Variants in FSAF1 observed in about 807,000 individuals in gnomAD.
FSAF1 encodes the protein 40S small subunit processome assembly factor 1.
chr1:231,238,748 G>T, the FSAF1 span: 1 of 1,102,486 alleles, frequency 9.1e-7, no homozygotes, highest in Non-Finnish European at 1.3e-6. Context: ...TGGCAAATCT[G>T]CAGGCCTGAG....
chr1:231,240,379 G>A, the FSAF1 span, among the ~76,000 whole-genome samples: 1 of 152,318 alleles, frequency 6.6e-6, no homozygotes, highest in Admixed American at 6.5e-5. The surrounding 1 kb of genome is among the most constrained non-coding windows in gnomAD (Gnocchi z 4.1). Flanking sequence ...TTTCTTTGGT[G>A]CATGTGCAAA....
At chr1:231,227,719 G>T in the FSAF1 span, among the ~76,000 whole-genome samples, 225 of 151,254 alleles carry the variant, frequency 1.5e-3, no homozygotes, top group Middle Eastern at 0.014. Flanking sequence ...CTCCCGAGTA[G>T]CTGGGACTAC....
chr1:231,238,705 T>C, the FSAF1 span: 2 of 662,052 alleles, frequency 3.0e-6, no homozygotes, highest in Admixed American at 2.9e-5. Flanking sequence ...TGATAAGGGC[T>C]ATATGCTGAG....
chr1:231,224,424 A>G, the FSAF1 span: 2 of 1,599,940 alleles, frequency 1.3e-6, no homozygotes, highest in African/African-American at 2.7e-5. Flanking sequence ...CCTACATTTA[A>G]AGTAAGAGAA....
At chr1:231,224,998 A>G in the FSAF1 span, 1 of 169,196 alleles carries the variant, frequency 5.9e-6, no homozygotes, top group African/African-American at 2.4e-5. Flanking sequence ...GCCCAAGAAA[A>G]CAGGCTAAGA....
the FSAF1 span, chr1:231,238,195 A>T: frequency 6.6e-6 from 1 of 152,250 alleles, no homozygotes; most frequent in African/African-American, 2.4e-5. Context: ...AAAAAAAAAA[A>T]TTAAAAACAT....
chr1:231,229,245 C>G, the FSAF1 span: 1 of 1,385,060 alleles, frequency 7.2e-7, no homozygotes, highest in Non-Finnish European at 1.0e-6. Flanking sequence ...TCATCTGTTA[C>G]TATATCATTA....
At chr1:231,234,799 C>A in the FSAF1 span, among the ~76,000 whole-genome samples, 1 of 152,202 alleles carries the variant, frequency 6.6e-6, no homozygotes. The surrounding 1 kb of genome is among the most constrained non-coding windows in gnomAD (Gnocchi z 4.0). Context: ...TGCTAGACTT[C>A]TTCCAGCTCC....
chr1:231,228,598 C>CAAAAA, the FSAF1 span, among the ~76,000 whole-genome samples: 2 of 102,914 alleles, frequency 1.9e-5, no homozygotes, highest in African/African-American at 3.6e-5. Context: ...GACTCTGCCT[C>CAAAAA]AAAAAAAAAA....
At chr1:231,234,586 G>A in the FSAF1 span, among the ~76,000 whole-genome samples, 4 of 152,016 alleles carry the variant, frequency 2.6e-5, no homozygotes, top group African/African-American at 7.3e-5. The surrounding 1 kb of genome is among the most constrained non-coding windows in gnomAD (Gnocchi z 4.0). Context: ...CCTTATAATC[G>A]ATTCACCACA....
At chr1:231,232,562 T>G in the FSAF1 span, among the ~76,000 whole-genome samples, 1 of 152,206 alleles carries the variant, frequency 6.6e-6, no homozygotes, top group African/African-American at 2.4e-5. Context: ...AATTTTTGTC[T>G]TTTAAACCAC....
the FSAF1 span, among the ~76,000 whole-genome samples, chr1:231,228,028 A>G: frequency 6.6e-6 from 1 of 152,226 alleles, no homozygotes; most frequent in Non-Finnish European, 1.5e-5. Flanking sequence ...CATAAAGGCA[A>G]TAATTTCAAC....
the FSAF1 span, chr1:231,238,728 T>C: frequency 1.2e-6 from 1 of 847,168 alleles, no homozygotes; most frequent in Non-Finnish European, 1.8e-6. Context: ...TTGGGTCCTG[T>C]GAGTCCTTTT....
the FSAF1 span, among the ~76,000 whole-genome samples, chr1:231,236,136 T>C: frequency 6.6e-6 from 1 of 152,208 alleles, no homozygotes; most frequent in South Asian, 2.1e-4. Context: ...AACTATACTT[T>C]CCCATGTTAC....
the FSAF1 span, chr1:231,226,392 G>A: frequency 4.3e-5 from 13 of 301,716 alleles, no homozygotes; most frequent in South Asian, 3.6e-4. Context: ...GATGCTCACC[G>A]GAGGCCGAGC....
At chr1:231,235,250 T>C in the FSAF1 span, among the ~76,000 whole-genome samples, 18 of 152,178 alleles carry the variant, frequency 1.2e-4, no homozygotes, top group South Asian at 2.1e-4. Flanking sequence ...TCTGTAATCC[T>C]AGCACTTTGG....
the FSAF1 span, among the ~76,000 whole-genome samples, chr1:231,227,904 C>G: frequency 9.9e-5 from 15 of 152,116 alleles, no homozygotes; most frequent in Admixed American, 3.3e-4. Context: ...TCATGTTTAA[C>G]TTGAACAGCT....
chr1:231,233,192 G>A, the FSAF1 span, among the ~76,000 whole-genome samples: 1 of 152,200 alleles, frequency 6.6e-6, no homozygotes, highest in Non-Finnish European at 1.5e-5. Flanking sequence ...TGCAAGAAAT[G>A]TCTCTGTCTG....
chr1:231,224,230 C>G, the FSAF1 span: 1 of 1,576,038 alleles, frequency 6.3e-7, no homozygotes, highest in Non-Finnish European at 8.6e-7. Context: ...TCCAGGGCCG[C>G]TGCAGTTGAC....
Sources: allele counts gnomAD v4.1 joint callset (sites outside exome capture counted in the v4.1 genomes callset), GRCh38; gene constraint gnomAD v4.1.1; non-coding constraint Gnocchi (gnomAD v3.1); transcripts MANE v1.5; gene names NCBI Gene and HGNC (gene_info 2026-07-23, HGNC 2026-07-21).